The following GTF2A1L variants were observed in gnomAD, a reference collection of about 807,000 sequenced individuals.
The protein encoded by GTF2A1L is TFIIA-alpha and beta-like factor.
GTF2A1L carries 48 observed loss-of-function variants against 49.7 expected under a neutral mutation model. The observed-to-expected ratio is 0.97, with a 90% CI of 0.77 to 1.23. The LOEUF (loss-of-function observed/expected upper bound fraction) is 1.23. Ranked by LOEUF, GTF2A1L falls within the 50% of genes most tolerant of loss-of-function variation. GTF2A1L has a pLI of 0.00. For missense variants in GTF2A1L, 736 were observed against 564.8 expected (o/e 1.30, Z -3.07); for synonymous variants, 246 against 193.5 (o/e 1.27, Z -2.25).
intron 5 of GTF2A1L, among the ~76,000 whole-genome samples, chr2:48,645,564 G>C (rs997935053): frequency 6.6e-6 from 1 of 152,170 alleles, no homozygotes; most frequent in Non-Finnish European, 1.5e-5. Context: ...GCTTTTCCGA[G>C]CACCATCTCT....
chr2:48,621,904 A>T (rs1676019710), intron 3 of GTF2A1L, among the ~76,000 whole-genome samples: 1 of 152,234 alleles, frequency 6.6e-6, no homozygotes, highest in African/African-American at 2.4e-5. Flanking sequence ...CTAATAAAAG[A>T]TAAAACTTAA....
At chr2:48,646,330 C>G in intron 5 of GTF2A1L, 123 bp from the exon 6 acceptor site, 1 of 815,286 alleles carries the variant, frequency 1.2e-6, no homozygotes, top group South Asian at 2.5e-5. Context: ...AGATAACCAC[C>G]ATTAACATAT....
At chr2:48,657,034 A>T (rs1678219060) in intron 6 of GTF2A1L, among the ~76,000 whole-genome samples, 1 of 152,130 alleles carries the variant, frequency 6.6e-6, no homozygotes, top group African/African-American at 2.4e-5. Flanking sequence ...TCTTTATTTT[A>T]TTGGTGTATA....
chr2:48,669,807 C>A lies in GTF2A1L; in HGVS notation c.1064C>A (p.Thr355Lys), dbSNP rs1470260271. ...ATTCAAGTAGATGGAAGCGGTGATA[C>A]ATCTTCCAATGAAGAAATAGGAAGT... ...EIIQVDGSGDTSSNEEIGSTR... is the reference protein window; with the variant it reads ...EIIQVDGSGDKSSNEEIGSTR... The change falls in exon 7 of 9, where the codon ACA becomes AAA. Residue 355 changes from threonine to lysine, a missense_variant. Transcript: ENST00000403751. The A allele has an allele frequency of 1.2e-6, 2 of 1,614,008 alleles. No individual in the cohort carries two copies. The highest frequency in any genetic ancestry group is 8.5e-7 in the Non-Finnish European group (1 of 1,179,982).
chr2:48,658,150 G>A (rs1396469470), intron 6 of GTF2A1L, among the ~76,000 whole-genome samples: 7 of 152,114 alleles, frequency 4.6e-5, no homozygotes, highest in Non-Finnish European at 8.8e-5. Context: ...AATAGCTTTT[G>A]AATAATTAGT....
At chr2:48,638,152 C>A (rs768869420) in intron 3 of GTF2A1L, among the ~76,000 whole-genome samples, 1 of 152,082 alleles carries the variant, frequency 6.6e-6, no homozygotes, top group Admixed American at 6.5e-5. Context: ...ACCTGATGTA[C>A]GAAGAAGAGC....
intron 3 of GTF2A1L, among the ~76,000 whole-genome samples, chr2:48,623,784 A>G (rs1012154750): frequency 1.3e-5 from 2 of 152,196 alleles, no homozygotes; most frequent in African/African-American, 4.8e-5. Context: ...TGCTGGGGCC[A>G]TTATCCTAAG....
intron 1 of GTF2A1L, among the ~76,000 whole-genome samples, chr2:48,620,086 T>TA (rs1675896798): frequency 6.6e-6 from 1 of 152,224 alleles, no homozygotes; most frequent in African/African-American, 2.4e-5. Flanking sequence ...GCTTGGAGTT[T>TA]ATTTATATTT....
intron 6 of GTF2A1L, among the ~76,000 whole-genome samples, chr2:48,651,158 C>CT (rs1677823576): frequency 1.3e-5 from 2 of 152,008 alleles, no homozygotes; most frequent in East Asian, 3.9e-4. Context: ...TCAAAGACAC[C>CT]TTGGTTAAGC....
intron 6 of GTF2A1L, among the ~76,000 whole-genome samples, chr2:48,647,329 T>C (rs1203889850): frequency 6.6e-6 from 1 of 152,194 alleles, no homozygotes; most frequent in Admixed American, 6.5e-5. Flanking sequence ...TTGTTGTTTT[T>C]AGTATAACTG....
intron 6 of GTF2A1L, among the ~76,000 whole-genome samples, chr2:48,667,450 T>G (rs1165014407): frequency 1.3e-5 from 2 of 152,206 alleles, no homozygotes; most frequent in African/African-American, 4.8e-5. Context: ...TATCCAGCTT[T>G]TGTTCATTGT....
At chr2:48,641,056 A>T (rs1677171268) in intron 3 of GTF2A1L, among the ~76,000 whole-genome samples, 1 of 152,160 alleles carries the variant, frequency 6.6e-6, no homozygotes. Context: ...TACAGGATTT[A>T]TTGCAAGGTA....
chr2:48,651,702 C>T (rs1677856838), intron 6 of GTF2A1L, among the ~76,000 whole-genome samples: 1 of 152,088 alleles, frequency 6.6e-6, no homozygotes, highest in Non-Finnish European at 1.5e-5. Flanking sequence ...TATTGTGTTT[C>T]CCAAGACATT....
chr2:48,622,206 G>T lies in GTF2A1L; in HGVS notation c.247+916G>T, dbSNP rs76865568. On this transcript the variant is annotated intron_variant, in intron 3 of 8. Coordinates refer to ENST00000403751, the MANE Select transcript of GTF2A1L (RefSeq NM_006872.5). ...TTGTACTTCTTCTATTACAAAGTGGGAGAATTTACATGTGGCAGCAATTCT... is the reference window on the plus strand; with the variant it reads ...TTGTACTTCTTCTATTACAAAGTGGTAGAATTTACATGTGGCAGCAATTCT... Among the ~76,000 whole-genome samples, 586 of 152,282 alleles carry T rather than the reference G, an allele frequency of 3.8e-3. 4 individuals carry two copies. The highest frequency in any genetic ancestry group is 0.013 in the African/African-American group (535 of 41,568).
At position 48,646,833 on chromosome 2, in the gene GTF2A1L, A is replaced by T. The variant is rs1237314723; in HGVS notation, c.769A>T (p.Asn257Tyr). 1 of 1,614,150 alleles carries T rather than the reference A, an allele frequency of 6.2e-7. No homozygotes were observed. Among genetic ancestry groups the T allele is most frequent in the Non-Finnish European group, 8.5e-7 (1 of 1,179,996 alleles). Residue 257 changes from asparagine to tyrosine, a missense_variant, in exon 6 of 9, where the codon AAT becomes TAT. Asn to Tyr is a moderately radical substitution (Grantham distance 143, BLOSUM62 -2). Coordinates refer to ENST00000403751, the MANE Select transcript of GTF2A1L (RefSeq NM_006872.5). ...VVFSPQVSQT[N>Y]SNVESVLSGS... The stretch of plus-strand genomic sequence containing the variant: ...ATTTTCTCCACAGGTCTCTCAAACA[A>T]ATTCTAATGTGGAGTCAGTGCTCAG...
Position 48,669,966 on chromosome 2 carries a change from T to C in GTF2A1L, c.1223T>C (p.Val408Ala). Residue 408 changes from valine (V) to alanine (A), a missense_variant, in exon 7 of 9, where the codon GTA becomes GCA. Physicochemically the swap from Val to Ala is moderately conservative, Grantham distance 64. Transcript: ENST00000403751. ...TNSSDNEDPQ[V>A]NIVEEDPLNS... ...AGTAGTGATAATGAAGACCCTCAAGTAAACATTGTAGAAGAGGTGAGGATG... is the reference window on the plus strand; with the variant it reads ...AGTAGTGATAATGAAGACCCTCAAGCAAACATTGTAGAAGAGGTGAGGATG... 6.2e-7 allele frequency: 1 copy of C among 1,613,258 alleles called. No homozygotes were observed. Among genetic ancestry groups the C allele is most frequent in the Non-Finnish European group, 8.5e-7 (1 of 1,179,652 alleles).
chr2:48,652,602 G>A (rs558368408), intron 6 of GTF2A1L, among the ~76,000 whole-genome samples: 5 of 151,438 alleles, frequency 3.3e-5, no homozygotes, highest in Admixed American at 6.6e-5. Context: ...GCAACAGAGC[G>A]AGACCCCATC....
At chr2:48,645,202 A>T in intron 5 of GTF2A1L, 85 bp downstream of exon 5, 2 of 1,190,140 alleles carry the variant, frequency 1.7e-6, no homozygotes, top group Non-Finnish European at 2.4e-6. Flanking sequence ...TAAATAAACT[A>T]TATACCAGAA....
intron 6 of GTF2A1L, among the ~76,000 whole-genome samples, chr2:48,647,363 T>C (rs778529527): frequency 5.9e-5 from 9 of 152,156 alleles, no homozygotes; most frequent in Non-Finnish European, 1.3e-4. Flanking sequence ...TATTCATGCT[T>C]AGCATTTCTA....
Sources: allele counts gnomAD v4.1 joint callset (sites outside exome capture counted in the v4.1 genomes callset), GRCh38; gene constraint gnomAD v4.1.1; transcripts MANE v1.5; gene names NCBI Gene and HGNC (gene_info 2026-07-23, HGNC 2026-07-21).